JPH3: variants seen among roughly 807,000 people sequenced by gnomAD.
JPH3 encodes junctophilin-3.
Under a neutral mutation model 59.6 loss-of-function variants are expected in JPH3, and 11 were observed. The ratio of observed to expected loss-of-function variants is 0.18; its 90% CI spans 0.12 to 0.31. The LOEUF (loss-of-function observed/expected upper bound fraction) is 0.31. Among genes scored for constraint, JPH3 ranks in the 10% least tolerant of loss-of-function variants. The pLI is 1.00. For missense variants in JPH3, 1,202 were observed against 1,105.7 expected, an observed-to-expected ratio of 1.09 and a Z score of -1.24; for synonymous variants, 673 against 483.6, an observed-to-expected ratio of 1.39 and a Z score of -5.14.
At chr16:87,619,545 C>T (rs1238768194) in intron 1 of JPH3, among the ~76,000 whole-genome samples, 4 of 152,158 alleles carry the variant, frequency 2.6e-5, no homozygotes, top group Non-Finnish European at 2.9e-5. Flanking sequence ...GCTCAGTAAG[C>T]GGCGACAGGA....
chr16:87,648,737 C>A (rs981408847), intron 2 of JPH3, among the ~76,000 whole-genome samples: 3 of 152,196 alleles, frequency 2.0e-5, no homozygotes, highest in African/African-American at 7.2e-5. Context: ...TGGATACCCT[C>A]CTCGGCCATG....
At chr16:87,633,041 T>A (rs934081462) in intron 1 of JPH3, among the ~76,000 whole-genome samples, 31 of 152,298 alleles carry the variant, frequency 2.0e-4, no homozygotes, top group Admixed American at 2.0e-3. Flanking sequence ...CCTGTCCTTT[T>A]ACTTCATTAT....
chr16:87,657,724 C>T (rs1483796430), intron 2 of JPH3, among the ~76,000 whole-genome samples: 1 of 152,204 alleles, frequency 6.6e-6, no homozygotes, highest in Non-Finnish European at 1.5e-5. Context: ...ACCCCCATGA[C>T]CACAGGAAGA....
chr16:87,683,463 C>T (rs2033343793), intron 2 of JPH3, among the ~76,000 whole-genome samples: 1 of 152,072 alleles, frequency 6.6e-6, no homozygotes. Flanking sequence ...TGCCACAACA[C>T]CCGGCTAATT....
chr16:87,642,600 C>T (rs562041912), intron 1 of JPH3, among the ~76,000 whole-genome samples: 1 of 152,188 alleles, frequency 6.6e-6, no homozygotes, highest in Non-Finnish European at 1.5e-5. Flanking sequence ...GAGTGGTGGA[C>T]GGACTCTGTT....
intron 2 of JPH3, among the ~76,000 whole-genome samples, chr16:87,682,485 A>C (rs545748093): frequency 2.7e-4 from 41 of 152,274 alleles, no homozygotes; most frequent in South Asian, 8.3e-4. Context: ...AGTGGGGATT[A>C]GTGCCCTGAT....
At position 87,644,924 on chromosome 16, in the gene JPH3, A is replaced by C; in HGVS notation, c.1049A>C (p.Asn350Thr). 1 of 1,612,410 alleles carries C rather than the reference A, an allele frequency of 6.2e-7. No individual in the cohort carries two copies. The highest frequency in any genetic ancestry group is 8.5e-7 in the Non-Finnish European group (1 of 1,179,838). The change falls in exon 2 of 5, where the codon AAC (asparagine) becomes ACC (threonine). Residue 350 changes from asparagine to threonine, a missense_variant. Asn to Thr is a moderately conservative substitution (Grantham distance 65). Transcript: ENST00000284262. ...ATCCTCGTCGGCGGCAAGCGCAAGAACCTCATCCCCCTGCGGGCCAGCAAG... is the reference window on the plus strand; with the variant it reads ...ATCCTCGTCGGCGGCAAGCGCAAGACCCTCATCCCCCTGCGGGCCAGCAAG... ...QNILVGGKRK[N>T]LIPLRASKIR... is the part of the protein sequence containing the mutation.
intron 2 of JPH3, among the ~76,000 whole-genome samples, chr16:87,664,876 G>T (rs537308771): frequency 2.0e-4 from 31 of 152,192 alleles, no homozygotes; most frequent in African/African-American, 7.5e-4. Context: ...GCCCAAGGAA[G>T]CGTCATGAGG....
chr16:87,655,493 G>A (rs1057184083), intron 2 of JPH3, among the ~76,000 whole-genome samples: 7 of 152,028 alleles, frequency 4.6e-5, no homozygotes, highest in African/African-American at 9.7e-5. Context: ...AGCTGGGACC[G>A]CAGCCGTGCA....
rs772029939 is a variant in JPH3, at chr16:87,611,201, C to T, written c.382+7673C>T. 3.9e-5 allele frequency among the ~76,000 whole-genome samples: 6 copies of T among 152,196 alleles called. No homozygotes were observed. The highest frequency in any genetic ancestry group is 8.8e-5 in the Non-Finnish European group (6 of 68,038). On this transcript the variant is annotated intron_variant, in intron 1 of 4. Coordinates refer to ENST00000284262, the MANE Select transcript of JPH3 (RefSeq NM_020655.4). This position sits in a 1 kb window ranked among gnomAD's most constrained non-coding sequence, Gnocchi z 4.5. The stretch of plus-strand genomic sequence containing the variant: ...AGAATAAGGAGTCTGAACAGGGATG[C>T]AAAACCGAGATATATGGAATAATTC...
chr16:87,609,557 C>T (rs924645730), intron 1 of JPH3, among the ~76,000 whole-genome samples: 1 of 152,204 alleles, frequency 6.6e-6, no homozygotes, highest in Admixed American at 6.5e-5. Context: ...AGCCACTGTG[C>T]CCGGCCTAGG....
At chr16:87,650,023 A>G (rs1431920786) in intron 2 of JPH3, among the ~76,000 whole-genome samples, 1 of 152,064 alleles carries the variant, frequency 6.6e-6, no homozygotes, top group Non-Finnish European at 1.5e-5. Context: ...AGGAGAAGGG[A>G]TTGTTCTGGG....
intron 1 of JPH3, among the ~76,000 whole-genome samples, chr16:87,629,949 T>C (rs1026504017): frequency 3.3e-5 from 5 of 152,166 alleles, no homozygotes; most frequent in Admixed American, 6.5e-5. Flanking sequence ...TTTCCACTTA[T>C]TTTTCTCTAA....
rs757926638 is a variant in JPH3, at chr16:87,644,317, G to A, written c.442G>A (p.Val148Ile). ...MRQGYGVRQS[V>I]PYGMAAVIRS... ...CCAGGGCTACGGCGTCCGGCAGAGC[G>A]TCCCGTATGGCATGGCCGCGGTCAT... Residue 148 changes from valine (V) to isoleucine (I), a missense_variant, in exon 2 of 5, where the codon GTC becomes ATC. Transcript: ENST00000284262. 51 of 1,612,730 alleles carry A rather than the reference G, an allele frequency of 3.2e-5. No individual in the cohort carries two copies. The highest frequency in any genetic ancestry group is 3.4e-5 in the Non-Finnish European group (40 of 1,179,912).
intron 2 of JPH3, among the ~76,000 whole-genome samples, chr16:87,653,278 G>A (rs777463007): frequency 3.3e-5 from 5 of 152,200 alleles, no homozygotes; most frequent in Non-Finnish European, 7.3e-5. Flanking sequence ...AGCACCTGCC[G>A]TGTGCCTGCC....
intron 1 of JPH3, among the ~76,000 whole-genome samples, chr16:87,640,265 GT>G (rs940725651): frequency 6.6e-6 from 1 of 151,452 alleles, no homozygotes; most frequent in Non-Finnish European, 1.5e-5. Flanking sequence ...GGAGGCAAAG[GT>G]TACAGTGAGC....
chr16:87,644,322 G>T lies in JPH3; in HGVS notation c.447G>T (p.Pro149=), dbSNP rs143803316. The change falls in exon 2 of 5, where the codon CCG becomes CCT. Residue 149 remains proline (P), a synonymous_variant. Coordinates refer to ENST00000284262, the MANE Select transcript of JPH3 (RefSeq NM_020655.4). ...GCTACGGCGTCCGGCAGAGCGTCCC[G>T]TATGGCATGGCCGCGGTCATCCGCT... ...RQGYGVRQSV[P]YGMAAVIRSP... 3.1e-6 allele frequency: 5 copies of T among 1,612,908 alleles called. No individual in the cohort carries two copies. Among genetic ancestry groups the T allele is most frequent in the Non-Finnish European group, 4.2e-6 (5 of 1,179,922 alleles).
In JPH3 at chr16:87,603,213, A is replaced by G; in HGVS notation, c.67A>G (p.Lys23Glu). 3.7e-6 allele frequency: 6 copies of G among 1,613,892 alleles called. No individual in the cohort carries two copies. Among genetic ancestry groups the G allele is most frequent in the Non-Finnish European group, 5.1e-6 (6 of 1,179,924 alleles). Residue 23 changes from lysine (K) to glutamate (E), a missense_variant, in exon 1 of 5, where the codon AAG becomes GAG. Transcript: ENST00000284262. ...GSYCGGWEDG[K>E]AHGHGVCTGP... ...CTACTGTGGAGGCTGGGAGGACGGC[A>G]AGGCGCACGGCCATGGCGTCTGCAC...
chr16:87,648,364 G>A (rs1174048463), intron 2 of JPH3, among the ~76,000 whole-genome samples: 2 of 152,178 alleles, frequency 1.3e-5, no homozygotes, highest in African/African-American at 4.8e-5. Flanking sequence ...GAGAGCGGCC[G>A]CACCACGTGG....
Sources: allele counts gnomAD v4.1 joint callset (sites outside exome capture counted in the v4.1 genomes callset), GRCh38; gene constraint gnomAD v4.1.1; non-coding constraint Gnocchi (gnomAD v3.1); transcripts MANE v1.5; gene names NCBI Gene and HGNC (gene_info 2026-07-23, HGNC 2026-07-21).